Variants in PPM1E observed in about 807,000 individuals in gnomAD.
PPM1E encodes the protein protein phosphatase 1E.
A neutral mutation model predicts 65.9 loss-of-function variants in PPM1E; 20 were observed. The observed-to-expected ratio is 0.30, with a 90% CI of 0.21 to 0.44. The LOEUF (loss-of-function observed/expected upper bound fraction) is 0.44, where lower values mean the gene tolerates loss of function less well. Ranked by LOEUF, PPM1E falls within the 20% of genes least tolerant of loss-of-function variation. The pLI is 1.00. For synonymous variants in PPM1E, 352 were observed against 374.9 expected (o/e 0.94, Z 0.70); for missense variants, 713 against 953.1 (o/e 0.75, Z 3.32).
chr17:58,887,224 G>A (rs2051279340), intron 1 of PPM1E, among the ~76,000 whole-genome samples: 2 of 147,270 alleles, frequency 1.4e-5, no homozygotes, highest in African/African-American at 5.1e-5. Flanking sequence ...GAGTGCAGTG[G>A]TGCAATCTTG....
intron 1 of PPM1E, among the ~76,000 whole-genome samples, chr17:58,930,305 A>G (rs950691311): frequency 1.3e-5 from 2 of 151,842 alleles, no homozygotes; most frequent in Non-Finnish European, 2.9e-5. Context: ...ACACATATAC[A>G]TACAAAAAAT....
At chr17:58,779,912 A>T (rs2050035010) in intron 1 of PPM1E, among the ~76,000 whole-genome samples, 1 of 152,212 alleles carries the variant, frequency 6.6e-6, no homozygotes, top group Admixed American at 6.6e-5. Flanking sequence ...TCAGATCAAC[A>T]TGTAAAGATT....
At chr17:58,950,641 C>T (rs2052222765) in intron 1 of PPM1E, among the ~76,000 whole-genome samples, 1 of 150,850 alleles carries the variant, frequency 6.6e-6, no homozygotes, top group Non-Finnish European at 1.5e-5. Flanking sequence ...TTTTTTTCTG[C>T]CTGAGTTTTT....
intron 1 of PPM1E, among the ~76,000 whole-genome samples, chr17:58,843,543 G>A (rs2050741657): frequency 2.0e-5 from 3 of 151,666 alleles, no homozygotes; most frequent in Non-Finnish European, 1.5e-5. Flanking sequence ...TGTAGAACAA[G>A]GCCGGGCACA....
intron 1 of PPM1E, among the ~76,000 whole-genome samples, chr17:58,769,825 G>A (rs951451232): frequency 3.3e-5 from 5 of 152,016 alleles, no homozygotes; most frequent in Admixed American, 1.3e-4. Flanking sequence ...TCAGGAGTTC[G>A]AGACCAGCCT....
At chr17:58,969,152 A>C (rs2030437886) in intron 3 of PPM1E, among the ~76,000 whole-genome samples, 2 of 152,030 alleles carry the variant, frequency 1.3e-5, no homozygotes, top group Admixed American at 1.3e-4. Flanking sequence ...GAAAAAAATC[A>C]CTCAATCTGG....
At chr17:58,859,790 T>A (rs1411099395) in intron 1 of PPM1E, among the ~76,000 whole-genome samples, 1 of 152,230 alleles carries the variant, frequency 6.6e-6, no homozygotes, top group African/African-American at 2.4e-5. Flanking sequence ...ACCACCATGT[T>A]TCCCAAGATC....
Position 58,979,961 on chromosome 17 carries a change from C to T in PPM1E, c.1211-13C>T, listed in dbSNP as rs1567900013. ...CAAATGCTAATGATGCCCCTACACT[C>T]TGCTTCCCGCAGGAGATGCTGAACA... is the stretch of plus-strand genomic sequence containing the variant. On this transcript the variant is annotated splice_polypyrimidine_tract_variant and intron_variant, in intron 6 of 6. Coordinates refer to ENST00000308249, the MANE Select transcript of PPM1E (RefSeq NM_014906.5). 2 of 1,601,690 alleles carry T rather than the reference C, an allele frequency of 1.2e-6. No individual in the cohort carries two copies. The highest frequency in any genetic ancestry group is 2.7e-5 in the African/African-American group (2 of 74,690).
chr17:58,950,935 T>C (rs8073048), intron 1 of PPM1E, among the ~76,000 whole-genome samples: 96,228 of 151,458 alleles, frequency 0.64, 30,936 homozygotes, highest in African/African-American at 0.71. Context: ...CCCGCCACCA[T>C]GCCTGGCTAA....
chr17:58,847,452 G>A (rs1367938027), intron 1 of PPM1E, among the ~76,000 whole-genome samples: 1 of 152,160 alleles, frequency 6.6e-6, no homozygotes, highest in South Asian at 2.1e-4. Flanking sequence ...TTTGTATAAG[G>A]TGTAAGGAAG....
intron 1 of PPM1E, among the ~76,000 whole-genome samples, chr17:58,883,727 C>T (rs1221635685): frequency 1.7e-4 from 26 of 151,652 alleles, no homozygotes; most frequent in African/African-American, 6.0e-4. Context: ...CCTCGTGATC[C>T]GCCCGCCTCG....
intron 1 of PPM1E, among the ~76,000 whole-genome samples, chr17:58,881,166 T>C (rs539685994): frequency 1.3e-5 from 2 of 152,216 alleles, no homozygotes; most frequent in Admixed American, 6.5e-5. Context: ...TCCTTCTTTT[T>C]CTTTCTCTTT....
At position 58,980,986 on chromosome 17, in the gene PPM1E, T is replaced by C. The variant is rs1271645522; in HGVS notation, c.2223T>C (p.His741=). 4 of 1,613,648 alleles carry C rather than the reference T, an allele frequency of 2.5e-6. No homozygotes were observed. Among genetic ancestry groups the C allele is most frequent in the East Asian group, 2.2e-5 (1 of 44,878 alleles). The part of the protein sequence containing the change: ...SENMRKLRKT[H]DIPCPDLPWS... ...ACATGAGGAAGCTCAGAAAGACTCA[T>C]GATATTCCATGCCCAGATCTTCCTT... Residue 741 remains histidine, a synonymous_variant, in exon 7 of 7, where the codon CAT becomes CAC. Coordinates refer to ENST00000308249, the MANE Select transcript of PPM1E (RefSeq NM_014906.5). This position sits in a 1 kb window ranked among gnomAD's most constrained non-coding sequence, Gnocchi z 4.7.
intron 1 of PPM1E, among the ~76,000 whole-genome samples, chr17:58,881,196 A>G (rs2051190589): frequency 6.6e-6 from 1 of 152,122 alleles, no homozygotes; most frequent in Admixed American, 6.6e-5. Context: ...CACAAATGTC[A>G]TACATGAAAA....
rs778959735 is a variant in PPM1E, at chr17:58,981,264, G to A, written c.*233G>A. On this transcript the variant is annotated 3_prime_UTR_variant, in exon 7 of 7. Coordinates refer to ENST00000308249, the MANE Select transcript of PPM1E (RefSeq NM_014906.5). ...ACAGCTGGTCCCTGTGATGTGTCTC[G>A]ACACCAATACACAACCCCCTTCCCA... The A allele has an allele frequency of 1.5e-5, 7 of 465,962 alleles. No homozygotes were observed. The highest frequency in any genetic ancestry group is 4.0e-5 in the African/African-American group (2 of 49,886). The allele number at this position is 465,962 out of a possible 1,614,324, so 28.9% of individuals were successfully genotyped here.
intron 1 of PPM1E, among the ~76,000 whole-genome samples, chr17:58,928,129 G>A (rs1201329952): frequency 6.6e-6 from 1 of 151,874 alleles, no homozygotes; most frequent in Non-Finnish European, 1.5e-5. Flanking sequence ...CTACACGAGA[G>A]GCTGAGGCAG....
At chr17:58,923,261 G>A (rs1320984054) in intron 1 of PPM1E, among the ~76,000 whole-genome samples, 1 of 148,768 alleles carries the variant, frequency 6.7e-6, no homozygotes, top group African/African-American at 2.5e-5. Context: ...CTCCTATCTG[G>A]GTGACAGAGT....
intron 1 of PPM1E, among the ~76,000 whole-genome samples, chr17:58,853,184 T>TTG (rs1598611095): frequency 2.0e-5 from 3 of 152,220 alleles, no homozygotes; most frequent in Non-Finnish European, 2.9e-5. Flanking sequence ...ACATCTAAGG[T>TTG]TGTGCTTTCT....
intron 1 of PPM1E, among the ~76,000 whole-genome samples, chr17:58,879,235 T>C (rs2051161829): frequency 6.7e-6 from 1 of 149,614 alleles, no homozygotes; most frequent in Non-Finnish European, 1.5e-5. Flanking sequence ...TTTAATAACT[T>C]TGAAGCAAAA....
Sources: gnomAD v4.1 joint callset for allele counts (sites outside exome capture counted in the v4.1 genomes callset) on GRCh38, gnomAD v4.1.1 for gene constraint, Gnocchi (gnomAD v3.1) non-coding constraint, MANE v1.5 for transcripts, NCBI Gene and HGNC (gene_info 2026-07-23, HGNC 2026-07-21) for gene names.